Variants in RAC1 observed in about 807,000 individuals in gnomAD.
RAC1 encodes ras-related C3 botulinum toxin substrate 1.
RAC1 carries 2 observed loss-of-function variants against 25.2 expected under a neutral mutation model. The ratio of observed to expected loss-of-function variants is 0.08; its 90% CI spans 0.03 to 0.25. The LOEUF is 0.25. RAC1 is among the 10% of genes least tolerant of loss of function. The probability of loss-of-function intolerance (pLI) is 1.00; values close to 1 mark genes in which losing one functional copy is unlikely to be tolerated. For missense variants in RAC1, 50 were observed against 235.7 expected (o/e 0.21, Z 5.16); for synonymous variants, 88 against 94.0 (o/e 0.94, Z 0.37).
chr7:6,382,056 C>T (rs1236215697), intron 1 of RAC1, among the ~76,000 whole-genome samples: 3 of 152,094 alleles, frequency 2.0e-5, no homozygotes, highest in East Asian at 1.9e-4. Context: ...TGCAGTGATG[C>T]GATCTCAGCT....
At chr7:6,377,722 C>G (rs1260642835) in intron 1 of RAC1, among the ~76,000 whole-genome samples, 2 of 152,114 alleles carry the variant, frequency 1.3e-5, no homozygotes, top group Admixed American at 1.3e-4. Flanking sequence ...TGAGACCAGT[C>G]TGGCCAATAT....
At chr7:6,386,547 C>T (rs1302554527) in intron 1 of RAC1, among the ~76,000 whole-genome samples, 7 of 151,844 alleles carry the variant, frequency 4.6e-5, no homozygotes, top group Non-Finnish European at 1.0e-4. Flanking sequence ...TTTGGGAGGT[C>T]CAGGTGGGCG....
At chr7:6,387,690 A>G (rs1481580835) in intron 2 of RAC1, among the ~76,000 whole-genome samples, 1 of 151,620 alleles carries the variant, frequency 6.6e-6, no homozygotes, top group Admixed American at 6.6e-5. Context: ...ACGCCACTGC[A>G]CTCCAGCCTG....
intron 1 of RAC1, among the ~76,000 whole-genome samples, chr7:6,378,322 G>T (rs1401632779): frequency 6.6e-6 from 1 of 152,134 alleles, no homozygotes; most frequent in Non-Finnish European, 1.5e-5. Flanking sequence ...GAGGCAGGCG[G>T]ATCACCTGAG....
intron 1 of RAC1, among the ~76,000 whole-genome samples, chr7:6,379,668 C>T (rs1008829700): frequency 3.9e-5 from 6 of 152,234 alleles, no homozygotes; most frequent in African/African-American, 1.2e-4. Context: ...CCTTGGCCTC[C>T]CAAAGTGCTG....
At position 6,386,017 on chromosome 7, in the gene RAC1, T is replaced by C. The variant is rs187237493; in HGVS notation, c.36-1195T>C. Among the ~76,000 whole-genome samples, 209 of 152,320 alleles carry C rather than the reference T, an allele frequency of 1.4e-3. 1 individual carries two copies. Among genetic ancestry groups the C allele is most frequent in the Non-Finnish European group, 2.6e-3 (179 of 68,028 alleles). On this transcript the variant is annotated intron_variant, in intron 1 of 5. Coordinates refer to ENST00000348035, the MANE Select transcript of RAC1 (RefSeq NM_006908.5). ...TGTGGTGACCTTAGTTATTAGGTGA[T>C]AGCCTCTTGAAAAACATTCCAGGTG...
At chr7:6,396,565 G>A (rs1338144125) in intron 3 of RAC1, among the ~76,000 whole-genome samples, 3 of 152,092 alleles carry the variant, frequency 2.0e-5, no homozygotes, top group East Asian at 3.8e-4. Context: ...CCACAGATAC[G>A]ATCAGAGGCT....
intron 2 of RAC1, among the ~76,000 whole-genome samples, chr7:6,390,715 G>A (rs1449423976): frequency 6.6e-6 from 1 of 151,842 alleles, no homozygotes; most frequent in East Asian, 1.9e-4. Flanking sequence ...TTTTTTTCTA[G>A]GATTTTTGTG....
rs1327638793 is a variant in RAC1, at chr7:6,377,820, G to A, written c.35+3050G>A. Among the ~76,000 whole-genome samples the A allele has an allele frequency of 2.0e-5, 3 of 151,908 alleles. No individual in the cohort carries two copies. In the East Asian group the frequency reaches 5.8e-4, roughly 30 times the overall value. The stretch of plus-strand genomic sequence containing the variant: ...TTCAGGAGGTTGAGGCAGGAGAATC[G>A]CTTGAACTTGGGAGGTGGAGGTTGC... On this transcript the variant is annotated intron_variant, in intron 1 of 5. Coordinates refer to ENST00000348035, the MANE Select transcript of RAC1 (RefSeq NM_006908.5).
At chr7:6,398,553 C>A in intron 3 of RAC1, 2 of 921,890 alleles carry the variant, frequency 2.2e-6, no homozygotes, top group Non-Finnish European at 3.4e-6. Flanking sequence ...TTTTGGATCT[C>A]TCCGGAGGGT....
intron 2 of RAC1, 58 bp downstream of exon 2, chr7:6,387,341 A>G (rs1437351820): frequency 3.4e-5 from 43 of 1,271,970 alleles, no homozygotes; most frequent in Non-Finnish European, 4.8e-5. Context: ...CATTTCTTTG[A>G]CCATTTGTTT....
At chr7:6,396,871 A>G (rs1393814367) in intron 3 of RAC1, among the ~76,000 whole-genome samples, 1 of 152,104 alleles carries the variant, frequency 6.6e-6, no homozygotes, top group East Asian at 1.9e-4. Flanking sequence ...TCTACTAAAA[A>G]TACAAAAAAT....
intron 1 of RAC1, 51 bp downstream of exon 1, chr7:6,374,821 G>A (rs2303362): frequency 2.8e-6 from 3 of 1,088,484 alleles, no homozygotes; most frequent in East Asian, 5.7e-5. Flanking sequence ...GGGCGCGGAG[G>A]GGGGTTGGGC....
chr7:6,375,670 CTTTT>C (rs561981460), intron 1 of RAC1, among the ~76,000 whole-genome samples: 1 of 144,942 alleles, frequency 6.9e-6, no homozygotes, highest in African/African-American at 2.5e-5. Flanking sequence ...TTCTTTCTTT[CTTTT>C]TTTTTTTTAA....
At chr7:6,388,284 A>G (rs1205326568) in intron 2 of RAC1, among the ~76,000 whole-genome samples, 1 of 150,310 alleles carries the variant, frequency 6.7e-6, no homozygotes, top group East Asian at 1.9e-4. Context: ...CAGGCACAAC[A>G]CACACCCAGG....
intron 3 of RAC1, among the ~76,000 whole-genome samples, chr7:6,396,215 T>C (rs957776046): frequency 6.8e-6 from 1 of 147,942 alleles, no homozygotes; most frequent in Non-Finnish European, 1.5e-5. Flanking sequence ...GGAAGGAAAC[T>C]GAGAGACCCT....
intron 1 of RAC1, among the ~76,000 whole-genome samples, chr7:6,384,212 AG>A (rs1782859403): frequency 1.3e-5 from 2 of 152,130 alleles, no homozygotes; most frequent in African/African-American, 4.8e-5. Flanking sequence ...CAAGCAGTCC[AG>A]GAAACAGCCC....
In RAC1 at chr7:6,390,096, C is replaced by CTTTTTTTT. The variant is rs34547258; in HGVS notation, c.108-1814_108-1807dup. Among the ~76,000 whole-genome samples the CTTTTTTTT allele has an allele frequency of 1.9e-3, 144 of 74,912 alleles. 10 individuals are homozygous for CTTTTTTTT. The highest frequency in any genetic ancestry group is 7.1e-3 in the African/African-American group (112 of 15,852). The allele number at this position is 74,912 out of a possible 152,430, so 49.1% of individuals were successfully genotyped here. A position where few individuals can be genotyped will look rare whatever the true frequency, so the allele number is the denominator to read the frequency against. On this transcript the variant is annotated intron_variant, in intron 2 of 5. Transcript: ENST00000348035. The stretch of plus-strand genomic sequence containing the variant: ...CCTCCCTTGCTCCCTCCCTCCCTCC[C>CTTTTTTTT]TTTTTTTTTTTTTTTTTTTTTGAGA...
intron 3 of RAC1, among the ~76,000 whole-genome samples, chr7:6,395,922 A>G (rs1783224645): frequency 6.6e-6 from 1 of 152,202 alleles, no homozygotes; most frequent in Admixed American, 6.5e-5. Flanking sequence ...AGCTGTCCAG[A>G]TGCCCGCCCT....
Sources: gnomAD v4.1 joint callset for allele counts (sites outside exome capture counted in the v4.1 genomes callset) on GRCh38, gnomAD v4.1.1 for gene constraint, MANE v1.5 for transcripts, NCBI Gene and HGNC (gene_info 2026-07-23, HGNC 2026-07-21) for gene names.